Variants in CABLES1 observed in about 807,000 individuals in gnomAD.
CABLES1 encodes the protein Cdk5 and Abl enzyme substrate 1, also known as CDK5 and ABL1 enzyme substrate 1.
Under a neutral mutation model 57.8 loss-of-function variants are expected in CABLES1, and 36 were observed. The ratio of observed to expected loss-of-function variants is 0.62; its 90% CI spans 0.48 to 0.82. The LOEUF is 0.82. CABLES1 is among the 40% of genes least tolerant of loss of function. The pLI is 0.00. For synonymous variants in CABLES1, 374 were observed against 363.0 expected, an observed-to-expected ratio of 1.03 and a Z score of -0.35; for missense variants, 767 against 836.6, an observed-to-expected ratio of 0.92 and a Z score of 1.03.
In CABLES1 at chr18:23,194,429, A is replaced by C. The variant is rs770157506; in HGVS notation, c.918-19A>C. On this transcript the variant is annotated intron_variant, in intron 2 of 9. Transcript: ENST00000256925. ...CAGCAGGCAACTGACTGTGTTTTTG[A>C]AATGACTTTATTTTTCAGATGTCGA... 2.1e-5 allele frequency: 32 copies of C among 1,540,540 alleles called. 1 individual carries two copies. The highest frequency in any genetic ancestry group is 5.0e-5 in the Admixed American group (3 of 59,808).
intron 1 of CABLES1, among the ~76,000 whole-genome samples, chr18:23,158,135 AAAAC>A (rs1253601636): frequency 1.5e-4 from 23 of 151,386 alleles, no homozygotes; most frequent in East Asian, 5.8e-4. Flanking sequence ...AAAAAAAAAA[AAAAC>A]AAACCCACAA....
rs2048223893 is a variant in CABLES1, at chr18:23,258,628, G to GAATT, written c.*1264_*1267dup. 1 of 152,236 alleles carries GAATT rather than the reference G, an allele frequency of 6.6e-6. No homozygotes were observed. Among genetic ancestry groups the GAATT allele is most frequent in the Non-Finnish European group, 1.5e-5 (1 of 68,054 alleles). 9.4% of individuals were successfully genotyped at this position (152,236 alleles called of 1,614,324 possible). On this transcript the variant is annotated 3_prime_UTR_variant, in exon 10 of 10. Transcript: ENST00000256925. ...GAGAGCCTGTGGCCATGTAAAAAGAGAATTAAACTCTTGTTGCTTTTTGTA... is the reference window on the plus strand; with the variant it reads ...GAGAGCCTGTGGCCATGTAAAAAGAGAATTAATTAAACTCTTGTTGCTTTTTGTA...
chr18:23,159,409 C>T (rs45474294), intron 1 of CABLES1, among the ~76,000 whole-genome samples: 22 of 152,224 alleles, frequency 1.4e-4, no homozygotes, highest in Non-Finnish European at 3.1e-4. Flanking sequence ...GCCTAAGCTG[C>T]TTGCACTGAT....
chr18:23,228,292 A>C (rs1244032533), intron 4 of CABLES1, among the ~76,000 whole-genome samples: 1 of 152,146 alleles, frequency 6.6e-6, no homozygotes, highest in Non-Finnish European at 1.5e-5. Flanking sequence ...ACTAAAAATC[A>C]TTTTGCCTTT....
intron 1 of CABLES1, among the ~76,000 whole-genome samples, chr18:23,153,992 C>T (rs986408061): frequency 6.6e-6 from 1 of 151,688 alleles, no homozygotes; most frequent in African/African-American, 2.4e-5. Flanking sequence ...AGTCACACCA[C>T]CCACTCCAGC....
chr18:23,206,309 C>T (rs1224728669), intron 3 of CABLES1, among the ~76,000 whole-genome samples: 1 of 152,260 alleles, frequency 6.6e-6, no homozygotes, highest in Non-Finnish European at 1.5e-5. Context: ...TTTCTCCAGC[C>T]AGCCTCACAT....
intron 1 of CABLES1, among the ~76,000 whole-genome samples, chr18:23,161,479 A>G (rs1333621516): frequency 6.6e-6 from 1 of 151,118 alleles, no homozygotes; most frequent in Non-Finnish European, 1.5e-5. Flanking sequence ...TCTTGCATCC[A>G]TCCCTCCCAT....
At chr18:23,139,592 T>A (rs1221110128) in intron 1 of CABLES1, among the ~76,000 whole-genome samples, 4 of 152,146 alleles carry the variant, frequency 2.6e-5, no homozygotes, top group Admixed American at 2.6e-4. Flanking sequence ...AGTAAATGCC[T>A]GTGGAGGCAA....
chr18:23,136,734 T>C (rs915375138), intron 1 of CABLES1, 127 bp downstream of exon 1: 3 of 590,540 alleles, frequency 5.1e-6, no homozygotes, highest in Admixed American at 4.3e-5. Flanking sequence ...GATCCTGTGC[T>C]CCGGGCCCGA....
chr18:23,253,094 CT>C (rs980810700), intron 8 of CABLES1, 28 bp downstream of exon 8: 1 of 1,314,106 alleles, frequency 7.6e-7, no homozygotes. Context: ...TGCCTGTGAC[CT>C]TTCCCTGCAA....
rs375361468 is a variant in CABLES1, at chr18:23,194,546, A to G, written c.1010+6A>G. The G allele has an allele frequency of 6.9e-6, 11 of 1,584,272 alleles. No individual in the cohort carries two copies. Among genetic ancestry groups the G allele is most frequent in the South Asian group, 3.3e-5 (3 of 90,436 alleles). On this transcript the variant is annotated splice_donor_region_variant and intron_variant, in intron 3 of 9. Transcript: ENST00000256925. ...CACGATACCAGGAATGGCAGGTACT[A>G]CATTCACACAGAAGCGGCTGCCAGC...
chr18:23,168,331 G>A (rs2047057978), intron 1 of CABLES1, among the ~76,000 whole-genome samples: 1 of 152,230 alleles, frequency 6.6e-6, no homozygotes, highest in Non-Finnish European at 1.5e-5. Flanking sequence ...ATGAACCTTG[G>A]AAACCTGCTG....
At chr18:23,246,553 G>A (rs12969611) in intron 7 of CABLES1, among the ~76,000 whole-genome samples, 6,681 of 151,668 alleles carry the variant, frequency 0.044, 214 homozygotes, top group Non-Finnish European at 0.064. Flanking sequence ...CACCACACCC[G>A]GCTAATTTTT....
intron 1 of CABLES1, among the ~76,000 whole-genome samples, chr18:23,145,265 G>T (rs2046884752): frequency 6.6e-6 from 1 of 151,670 alleles, no homozygotes; most frequent in Non-Finnish European, 1.5e-5. Context: ...TAGAGATGAG[G>T]TTTCATCATG....
chr18:23,151,193 A>T (rs1195290677), intron 1 of CABLES1, among the ~76,000 whole-genome samples: 1 of 151,410 alleles, frequency 6.6e-6, no homozygotes, highest in Admixed American at 6.6e-5. Flanking sequence ...TAATTTTTGT[A>T]TTTTTTAGTA....
chr18:23,218,048 G>A (rs116906728), intron 4 of CABLES1, among the ~76,000 whole-genome samples: 6,066 of 152,228 alleles, frequency 0.04, 185 homozygotes, highest in Middle Eastern at 0.15. Context: ...TTCCAAACAA[G>A]CACAACACCC....
chr18:23,151,525 A>C (rs1051489393), intron 1 of CABLES1, among the ~76,000 whole-genome samples: 1 of 152,112 alleles, frequency 6.6e-6, no homozygotes, highest in Admixed American at 6.6e-5. Context: ...AGGGAACTTG[A>C]ATGTTCCCTG....
intron 1 of CABLES1, among the ~76,000 whole-genome samples, chr18:23,163,638 A>G (rs910849403): frequency 1.3e-5 from 2 of 152,148 alleles, no homozygotes; most frequent in African/African-American, 4.8e-5. Flanking sequence ...ATGGACAGAG[A>G]GTGGATACAG....
chr18:23,249,317 T>C (rs1203107585), intron 7 of CABLES1, among the ~76,000 whole-genome samples: 2 of 151,880 alleles, frequency 1.3e-5, no homozygotes, highest in Non-Finnish European at 2.9e-5. Context: ...GATAATAGAG[T>C]AGAATGGAGG....
Sources: gnomAD v4.1 joint callset for allele counts (sites outside exome capture counted in the v4.1 genomes callset) on GRCh38, gnomAD v4.1.1 for gene constraint, MANE v1.5 for transcripts, NCBI Gene and HGNC (gene_info 2026-07-23, HGNC 2026-07-21) for gene names.